PPM1E: variants seen among roughly 807,000 people sequenced by gnomAD.
PPM1E encodes the protein protein phosphatase, Mg2+/Mn2+ dependent 1E, also known as protein phosphatase 1E.
In PPM1E, 20 loss-of-function variants were observed where a neutral mutation model predicts 65.9. That is an observed-to-expected ratio of 0.30 (90% CI 0.21 to 0.44). PPM1E has a LOEUF of 0.44. Ranked by LOEUF, PPM1E falls within the 20% of genes least tolerant of loss-of-function variation. PPM1E has a pLI of 1.00. For missense variants in PPM1E, 713 were observed against 953.1 expected, an observed-to-expected ratio of 0.75 and a Z score of 3.32; for synonymous variants, 352 against 374.9, an observed-to-expected ratio of 0.94 and a Z score of 0.70.
intron 1 of PPM1E, among the ~76,000 whole-genome samples, chr17:58,879,697 G>A (rs1015314229): frequency 4.0e-5 from 6 of 151,774 alleles, no homozygotes; most frequent in Admixed American, 3.9e-4. Flanking sequence ...TTTTAGTAGA[G>A]ACGGGGTTTC....
At chr17:58,905,410 C>A (rs1451242110) in intron 1 of PPM1E, among the ~76,000 whole-genome samples, 1 of 152,090 alleles carries the variant, frequency 6.6e-6, no homozygotes, top group East Asian at 1.9e-4. Context: ...GAGTTTTTAT[C>A]ATTAATGCGT....
At chr17:58,764,649 G>A (rs1285616357) in intron 1 of PPM1E, among the ~76,000 whole-genome samples, 4 of 151,964 alleles carry the variant, frequency 2.6e-5, no homozygotes, top group African/African-American at 9.7e-5. Context: ...ACAGAGTCTC[G>A]CTCTGTCACC....
chr17:58,758,802 G>T (rs1289734296), intron 1 of PPM1E, among the ~76,000 whole-genome samples: 1 of 152,000 alleles, frequency 6.6e-6, no homozygotes, highest in East Asian at 1.9e-4. Context: ...AGTTTTTGCC[G>T]GGCACAGTGG....
intron 1 of PPM1E, among the ~76,000 whole-genome samples, chr17:58,941,068 T>TA (rs1157287686): frequency 2.0e-5 from 3 of 152,194 alleles, no homozygotes; most frequent in Non-Finnish European, 4.4e-5. Flanking sequence ...AACTATATAC[T>TA]AAAAATTCAT....
intron 1 of PPM1E, among the ~76,000 whole-genome samples, chr17:58,880,000 A>C (rs867745813): frequency 1.3e-5 from 2 of 152,200 alleles, no homozygotes; most frequent in Non-Finnish European, 2.9e-5. Flanking sequence ...TTCACACGGC[A>C]TGGGAGCCCT....
intron 1 of PPM1E, among the ~76,000 whole-genome samples, chr17:58,920,290 C>T (rs191320697): frequency 3.5e-4 from 53 of 152,298 alleles, no homozygotes; most frequent in African/African-American, 1.3e-3. Context: ...ACAGACAATC[C>T]TCCAATGCTC....
chr17:58,837,332 T>TACACACACACAC (rs59797345), intron 1 of PPM1E, among the ~76,000 whole-genome samples: 11 of 131,410 alleles, frequency 8.4e-5, no homozygotes, highest in Non-Finnish European at 1.4e-4. Context: ...CACACACACA[T>TACACACACACAC]ACACACACAC....
intron 1 of PPM1E, among the ~76,000 whole-genome samples, chr17:58,882,335 G>A (rs1327747587): frequency 1.3e-5 from 2 of 151,926 alleles, no homozygotes; most frequent in East Asian, 3.9e-4. Context: ...AACATGGTTT[G>A]CAGGGAATTT....
chr17:58,902,768 A>G lies in PPM1E; in HGVS notation c.465-52881A>G, dbSNP rs905034742. 2.0e-5 allele frequency among the ~76,000 whole-genome samples: 3 copies of G among 152,210 alleles called. No homozygotes were observed. The South Asian group carries it at 6.2e-4, about 31-fold the overall frequency. ...ATGCAGACATTTTAATCATTCAGAT[A>G]TAGGGGTTGTGAAACACAAAAATAT... On this transcript the variant is annotated intron_variant, in intron 1 of 6. Transcript: ENST00000308249.
At chr17:58,880,775 C>T (rs574680547) in intron 1 of PPM1E, among the ~76,000 whole-genome samples, 24 of 152,096 alleles carry the variant, frequency 1.6e-4, no homozygotes, top group African/African-American at 5.5e-4. Flanking sequence ...GGGCACATGC[C>T]ACCACTGCTA....
At chr17:58,859,127 G>A (rs572841582) in intron 1 of PPM1E, among the ~76,000 whole-genome samples, 2 of 152,238 alleles carry the variant, frequency 1.3e-5, no homozygotes, top group South Asian at 4.1e-4. Flanking sequence ...AGTTAACAGG[G>A]TTGCAACATG....
At chr17:58,931,644 T>G (rs2051901008) in intron 1 of PPM1E, among the ~76,000 whole-genome samples, 2 of 152,148 alleles carry the variant, frequency 1.3e-5, no homozygotes, top group South Asian at 4.1e-4. Context: ...TGGACTTACT[T>G]CAGAATTCTC....
chr17:58,934,122 CAG>C (rs1002799412), intron 1 of PPM1E, among the ~76,000 whole-genome samples: 2 of 144,454 alleles, frequency 1.4e-5, no homozygotes, highest in South Asian at 2.2e-4. Context: ...GAGATGGAAA[CAG>C]GGAGAATGAC....
chr17:58,904,436 T>C (rs906656362), intron 1 of PPM1E, among the ~76,000 whole-genome samples: 27 of 152,226 alleles, frequency 1.8e-4, no homozygotes, highest in African/African-American at 5.8e-4. Flanking sequence ...ATTTATAAGA[T>C]TGTCTTTCTA....
chr17:58,802,948 A>C (rs1395908808), intron 1 of PPM1E, among the ~76,000 whole-genome samples: 1 of 151,974 alleles, frequency 6.6e-6, no homozygotes, highest in Non-Finnish European at 1.5e-5. Flanking sequence ...TTAGGGTTTC[A>C]TATATATTAG....
chr17:58,765,722 G>A (rs1199341255), intron 1 of PPM1E, among the ~76,000 whole-genome samples: 1 of 152,006 alleles, frequency 6.6e-6, no homozygotes, highest in Non-Finnish European at 1.5e-5. Context: ...CTGGTTAGAA[G>A]TATGAAAGAT....
At chr17:58,797,683 G>A (rs147866209) in intron 1 of PPM1E, among the ~76,000 whole-genome samples, 7 of 152,200 alleles carry the variant, frequency 4.6e-5, no homozygotes, top group Admixed American at 2.0e-4. Context: ...GAACATTCTC[G>A]TGCAAGTCTT....
chr17:58,865,835 C>T (rs1323686280), intron 1 of PPM1E, among the ~76,000 whole-genome samples: 1 of 152,222 alleles, frequency 6.6e-6, no homozygotes, highest in Non-Finnish European at 1.5e-5. Flanking sequence ...CAAATCTGCA[C>T]TTTCAAAGGC....
intron 1 of PPM1E, among the ~76,000 whole-genome samples, chr17:58,823,051 G>A (rs920171132): frequency 6.6e-6 from 1 of 151,910 alleles, no homozygotes; most frequent in Non-Finnish European, 1.5e-5. Flanking sequence ...GCCCTTCTGA[G>A]CATTTTTTTT....
Sources: gnomAD v4.1 joint callset for allele counts (sites outside exome capture counted in the v4.1 genomes callset) on GRCh38, gnomAD v4.1.1 for gene constraint, MANE v1.5 for transcripts, NCBI Gene and HGNC (gene_info 2026-07-23, HGNC 2026-07-21) for gene names.